Variants in ASB6 observed in about 807,000 individuals in gnomAD.
ASB6 encodes the protein ankyrin repeat and SOCS box protein 6.
In ASB6, 24 loss-of-function variants were observed where a neutral mutation model predicts 28.6. That is an observed-to-expected ratio of 0.84 (90% CI 0.61 to 1.18). The LOEUF (loss-of-function observed/expected upper bound fraction) is 1.18, where lower values mean the gene tolerates loss of function less well. Among genes scored for constraint, ASB6 ranks in the 50% most tolerant of loss-of-function variants. The pLI is 0.00. For missense variants in ASB6, 519 were observed against 559.8 expected (o/e 0.93, Z 0.74); for synonymous variants, 267 against 243.4 (o/e 1.10, Z -0.90).
intron 1 of ASB6, chr9:129,641,183 A>G (rs571118354): frequency 5.9e-6 from 1 of 169,820 alleles, no homozygotes; most frequent in South Asian, 1.1e-4. Context: ...TGAGACCTTC[A>G]GCTGATATTG....
chr9:129,635,749 A>C lies in ASB6; in HGVS notation c.*2041T>G, dbSNP rs745498374. On this transcript the variant is annotated 3_prime_UTR_variant, in exon 6 of 6. Coordinates refer to ENST00000277458, the MANE Select transcript of ASB6 (RefSeq NM_017873.4). ...GGGCTCCTGGTGCTCCCCATGTGGG[A>C]ATAGGGTGGCCACATCAGTAACCGA... 7.9e-6 allele frequency: 3 copies of C among 380,002 alleles called. No homozygotes were observed. Among genetic ancestry groups the C allele is most frequent in the Non-Finnish European group, 1.4e-5 (3 of 208,204 alleles). 23.5% of individuals were successfully genotyped at this position (380,002 alleles called of 1,614,324 possible).
At position 129,638,339 on chromosome 9, in the gene ASB6, G is replaced by C; in HGVS notation, c.717C>G (p.Cys239Trp). The C allele has an allele frequency of 2.5e-6, 4 of 1,613,010 alleles. No homozygotes were observed. Among genetic ancestry groups the C allele is most frequent in the Non-Finnish European group, 3.4e-6 (4 of 1,180,042 alleles). The change falls in exon 6 of 6, where the codon TGC (cysteine) becomes TGG (tryptophan). Residue 239 changes from cysteine to tryptophan, a missense_variant. Coordinates refer to ENST00000277458, the MANE Select transcript of ASB6 (RefSeq NM_017873.4). ...KEEAQMINRF[C>W]FQVTRLLLAH... The stretch of plus-strand genomic sequence containing the variant: ...CCAGCAGCAGCCGTGTGACTTGGAA[G>C]CAGAAGCGGTTGATCATCTGGGCCT...
In ASB6 at chr9:129,637,026, GCA is replaced by G. The variant is rs1313750557; in HGVS notation, c.*762_*763del. The stretch of plus-strand genomic sequence containing the variant: ...AGGGACTGAGGCTCGCAAGTGGGTG[GCA>G]CAGTCGGCTCTTCAGTGGCTCCAAA... On this transcript the variant is annotated 3_prime_UTR_variant, in exon 6 of 6. Coordinates refer to ENST00000277458, the MANE Select transcript of ASB6 (RefSeq NM_017873.4). The G allele has an allele frequency of 1.3e-5, 2 of 152,358 alleles. No homozygotes were observed. Among genetic ancestry groups the G allele is most frequent in the South Asian group, 2.1e-4 (1 of 4,828 alleles). 9.4% of individuals were successfully genotyped at this position (152,358 alleles called of 1,614,324 possible).
Position 129,637,939 on chromosome 9 carries a change from G to T in ASB6, c.1117C>A (p.Pro373Thr). ...FSLRQLESYPPPLKHLCRVAI... is the reference protein window; with the variant it reads ...FSLRQLESYPTPLKHLCRVAI... The stretch of plus-strand genomic sequence containing the variant: ...ACACGGCACAGGTGCTTGAGGGGCG[G>T]GGGATAGCTCTCCAGCTGCCTCAAG... Residue 373 changes from proline to threonine, a missense_variant, in exon 6 of 6, where the codon CCG (proline) becomes ACG (threonine). By Grantham distance (38) the Pro-to-Thr change is conservative. Transcript: ENST00000277458. 1 of 1,594,828 alleles carries T rather than the reference G, an allele frequency of 6.3e-7. No homozygotes were observed.
rs374558502 is a variant in ASB6, at chr9:129,637,870, C to G, written c.1186G>C (p.Val396Leu). The G allele has an allele frequency of 4.3e-5, 67 of 1,549,096 alleles. No individual in the cohort carries two copies. In the Admixed American group the frequency reaches 4.9e-4, roughly 11 times the overall value. ...YLQPWPVDVK[V>L]KALPLPDRLK... Reference sequence around the variant, plus strand: ...CTGTCGGGCAGAGGCAGGGCTTTGACCTTCACATCCACAGGCCACGGCTGA... The same window carrying G: ...CTGTCGGGCAGAGGCAGGGCTTTGAGCTTCACATCCACAGGCCACGGCTGA... Residue 396 changes from valine (V) to leucine (L), a missense_variant, in exon 6 of 6, where the codon GTC becomes CTC. By Grantham distance (32) the Val-to-Leu change is conservative (BLOSUM62 1). Coordinates refer to ENST00000277458, the MANE Select transcript of ASB6 (RefSeq NM_017873.4).
At chr9:129,638,912 G>A (rs1285496806) in intron 4 of ASB6, among the ~76,000 whole-genome samples, 1 of 152,236 alleles carries the variant, frequency 6.6e-6, no homozygotes, top group Non-Finnish European at 1.5e-5. Context: ...ATGTTGGCTG[G>A]GCCTCTCCCA....
intron 4 of ASB6, 107 bp downstream of exon 4, chr9:129,639,095 G>A: frequency 8.8e-7 from 1 of 1,130,680 alleles, no homozygotes; most frequent in East Asian, 2.4e-5. Flanking sequence ...ACCAGCCAGG[G>A]CCAGCATCCA....
In ASB6 at chr9:129,635,380, T is replaced by C; in HGVS notation, c.*2410A>G. 1 of 1,613,692 alleles carries C rather than the reference T, an allele frequency of 6.2e-7. No individual in the cohort carries two copies. The highest frequency in any genetic ancestry group is 8.5e-7 in the Non-Finnish European group (1 of 1,180,000). ...ACGTGGTCCGCAGGATCATCTGCAG[T>C]GCAGGCCTCAGCCTCCTGGCCGAGG... is the stretch of plus-strand genomic sequence containing the variant. On this transcript the variant is annotated 3_prime_UTR_variant, in exon 6 of 6. Transcript: ENST00000277458.
Position 129,635,458 on chromosome 9 carries a change from G to T in ASB6, c.*2332C>A. ...TCTACCATGTCTATAGCTTTGCCCT[G>T]AGATGAGCCGGGGCTGGCAGGAGAA... is the stretch of plus-strand genomic sequence containing the variant. On this transcript the variant is annotated 3_prime_UTR_variant, in exon 6 of 6. Transcript: ENST00000277458. 1 of 1,607,820 alleles carries T rather than the reference G, an allele frequency of 6.2e-7. No individual in the cohort carries two copies. The highest frequency in any genetic ancestry group is 8.5e-7 in the Non-Finnish European group (1 of 1,175,672).
chr9:129,641,331 G>C (rs975422760), intron 1 of ASB6: 4 of 153,476 alleles, frequency 2.6e-5, no homozygotes, highest in African/African-American at 7.3e-5. Flanking sequence ...CTTCCACCTC[G>C]CGTGCCGCCG....
At chr9:129,640,457 A>G in intron 2 of ASB6, 84 bp downstream of exon 2, 2 of 1,502,002 alleles carry the variant, frequency 1.3e-6, no homozygotes, top group Admixed American at 2.3e-5. Context: ...AGAGGATGGT[A>G]GAAGCCAAGG....
In ASB6 at chr9:129,636,708, A is replaced by G. The variant is rs1831564609; in HGVS notation, c.*1082T>C. On this transcript the variant is annotated 3_prime_UTR_variant, in exon 6 of 6. Coordinates refer to ENST00000277458, the MANE Select transcript of ASB6 (RefSeq NM_017873.4). ...TGTCTCGAAAAAAAAAAATAATAAA[A>G]TGGGACCTCCACACTGTGGAGGCCC... is the stretch of plus-strand genomic sequence containing the variant. 1 of 151,676 alleles carries G rather than the reference A, an allele frequency of 6.6e-6. No individual in the cohort carries two copies. Among genetic ancestry groups the G allele is most frequent in the Non-Finnish European group, 1.5e-5 (1 of 67,924 alleles). 9.4% of individuals were successfully genotyped at this position (151,676 alleles called of 1,614,324 possible). A position where few individuals can be genotyped will look rare whatever the true frequency, so the allele number is the denominator to read the frequency against.
chr9:129,638,224 G>C lies in ASB6; in HGVS notation c.832C>G (p.Arg278Gly), dbSNP rs140596279. 6.2e-7 allele frequency: 1 copy of C among 1,613,344 alleles called. No homozygotes were observed. The highest frequency in any genetic ancestry group is 1.7e-4 in the Middle Eastern group (1 of 6,060). ...GCGGCTCCGGACTCCAGGAGGAAGC[G>C]CAGGAGAGGGAAGTGCAGTTTAAAG... ...KSFKLHFPLL[R>G]FLLESGAAYN... The change falls in exon 6 of 6, where the codon CGC becomes GGC. Residue 278 changes from arginine (R) to glycine (G), a missense_variant. By Grantham distance (125) the Arg-to-Gly change is moderately radical. Coordinates refer to ENST00000277458, the MANE Select transcript of ASB6 (RefSeq NM_017873.4).
At chr9:129,641,142 C>G (rs1461985101) in intron 1 of ASB6, 3 of 200,934 alleles carry the variant, frequency 1.5e-5, no homozygotes, top group African/African-American at 7.2e-5. Context: ...GCAGCCAGGA[C>G]AGCAACACAG....
At position 129,641,952 on chromosome 9, in the gene ASB6, C is replaced by T. The variant is rs201781222; in HGVS notation, c.48G>A (p.Pro16=). 86 of 1,603,008 alleles carry T rather than the reference C, an allele frequency of 5.4e-5. No individual in the cohort carries two copies. The highest frequency in any genetic ancestry group is 6.2e-5 in the Non-Finnish European group (73 of 1,175,950). ...GFRRIIFEYQ[P]LVDAILGSLG... is the part of the protein sequence containing the mutation. ...GGGAGCCCAGAATCGCATCCACCAG[C>T]GGCTGGTACTCGAAGATGATCCTCC... is the stretch of plus-strand genomic sequence containing the variant. The change falls in exon 1 of 6, where the codon CCG becomes CCA. Residue 16 remains proline, a synonymous_variant. Coordinates refer to ENST00000277458, the MANE Select transcript of ASB6 (RefSeq NM_017873.4).
In ASB6 at chr9:129,641,549, G is replaced by C. The variant is rs113124483; in HGVS notation, c.113+338C>G. ...AAAAGCCCACCTTCACACTGCTCTG[G>C]GGTAACATCTGAGGCCTCACGGATT... On this transcript the variant is annotated intron_variant, in intron 1 of 5. Coordinates refer to ENST00000277458, the MANE Select transcript of ASB6 (RefSeq NM_017873.4). 7.0e-3 allele frequency among the ~76,000 whole-genome samples: 1,073 copies of C among 152,336 alleles called. 3 individuals are homozygous for C. Among genetic ancestry groups the C allele is most frequent in the Non-Finnish European group, 0.012 (804 of 68,034 alleles).
chr9:129,638,927 GA>G (rs1490095800), intron 4 of ASB6, among the ~76,000 whole-genome samples: 3 of 152,258 alleles, frequency 2.0e-5, no homozygotes, highest in Non-Finnish European at 4.4e-5. Context: ...CTCCCAATGG[GA>G]AGCCATTGTT....
At position 129,639,198 on chromosome 9, in the gene ASB6, C is replaced by T; in HGVS notation, c.511+4G>A. ...TGTCCTGCTTTCCTGCAGGAGGCAC[C>T]CACCATGCTTGTCAGCGGCATTGAC... On this transcript the variant is annotated splice_donor_region_variant and intron_variant, in intron 4 of 5. Coordinates refer to ENST00000277458, the MANE Select transcript of ASB6 (RefSeq NM_017873.4). 1.2e-6 allele frequency: 2 copies of T among 1,601,116 alleles called. No individual in the cohort carries two copies. The highest frequency in any genetic ancestry group is 1.1e-5 in the South Asian group (1 of 89,968).
At position 129,637,253 on chromosome 9, in the gene ASB6, T is replaced by G. The variant is rs1831577875; in HGVS notation, c.*537A>C. The G allele has an allele frequency of 6.6e-6, 1 of 152,270 alleles. No homozygotes were observed. The allele number at this position is 152,270 out of a possible 1,614,324, so 9.4% of individuals were successfully genotyped here. On this transcript the variant is annotated 3_prime_UTR_variant, in exon 6 of 6. Transcript: ENST00000277458. ...AGGAACAGGCAGGGGCCAGCTTGGC[T>G]TGCAACACCATGAAACAAGCCTGTG...
Sources: allele counts gnomAD v4.1 joint callset (sites outside exome capture counted in the v4.1 genomes callset), GRCh38; gene constraint gnomAD v4.1.1; transcripts MANE v1.5; gene names NCBI Gene and HGNC (gene_info 2026-07-23, HGNC 2026-07-21).